Variants in NIPA2 observed in about 807,000 individuals in gnomAD.
The protein encoded by NIPA2 is NIPA magnesium transporter 2, also known as magnesium transporter NIPA2.
A neutral mutation model predicts 29.7 loss-of-function variants in NIPA2; 11 were observed. That is an observed-to-expected ratio of 0.37 (90% confidence interval 0.23 to 0.61). The LOEUF (loss-of-function observed/expected upper bound fraction) is 0.61, where lower values mean the gene tolerates loss of function less well. Among genes scored for constraint, NIPA2 ranks in the 20% least tolerant of loss-of-function variants. NIPA2 has a pLI of 0.66. For synonymous variants in NIPA2, 183 were observed against 161.9 expected, an observed-to-expected ratio of 1.13 and a Z score of -0.99; for missense variants, 426 against 437.9, an observed-to-expected ratio of 0.97 and a Z score of 0.24.
chr15:22,858,970 AAG>A (rs2058412752), intron 6 of NIPA2, among the ~76,000 whole-genome samples: 2 of 152,124 alleles, frequency 1.3e-5, no homozygotes, highest in Admixed American at 1.3e-4. Flanking sequence ...CTGAGGTCAG[AAG>A]TTTGAGACCA....
intron 7 of NIPA2, among the ~76,000 whole-genome samples, chr15:22,864,990 T>C (rs2058887408): frequency 1.3e-5 from 2 of 151,962 alleles, no homozygotes; most frequent in Admixed American, 1.3e-4. Flanking sequence ...GCCTCCCAAG[T>C]AGCTGGCATT....
At position 22,866,789 on chromosome 15, in the gene NIPA2, T is replaced by A; in HGVS notation, c.1025T>A (p.Ile342Asn). 1 of 1,612,804 alleles carries A rather than the reference T, an allele frequency of 6.2e-7. No individual in the cohort carries two copies. The highest frequency in any genetic ancestry group is 8.5e-7 in the Non-Finnish European group (1 of 1,179,242). Residue 342 changes from isoleucine (I) to asparagine (N), a missense_variant, in exon 8 of 8, where the codon ATC (isoleucine) becomes AAC (asparagine). This residue lies in a region of NIPA2 where 357 missense variants were observed against 339.8 expected (regional missense o/e 1.05). Coordinates refer to ENST00000337451, the MANE Select transcript of NIPA2 (RefSeq NM_030922.7). ...NNNEESLTCG[I>N]EQHTGENVSR... Reference sequence around the variant, plus strand: ...AATGAAGAAAGCTTAACCTGTGGAATCGAACAACACACTGGTGAAAATGTC... The same window carrying A: ...AATGAAGAAAGCTTAACCTGTGGAAACGAACAACACACTGGTGAAAATGTC...
chr15:22,852,239 G>A (rs538552808), intron 4 of NIPA2, among the ~76,000 whole-genome samples: 12 of 152,296 alleles, frequency 7.9e-5, no homozygotes, highest in African/African-American at 2.9e-4. Context: ...GGCTGAGGCG[G>A]GTGGATCACC....
chr15:22,858,451 A>G (rs756939009), intron 5 of NIPA2, 89 bp from the exon 6 acceptor site: 3 of 663,538 alleles, frequency 4.5e-6, no homozygotes, highest in Non-Finnish European at 5.2e-6. Flanking sequence ...CAGTTGAAAT[A>G]ATATATAGAT....
In NIPA2 at chr15:22,867,622, T is replaced by TGA. The variant is rs2059200947; in HGVS notation, c.*777_*778dup. ...TGTACTTTTCAGTATATTTTCATAA[T>TGA]GAGTTATATTGTCATTTAGACTTTG... On this transcript the variant is annotated 3_prime_UTR_variant, in exon 8 of 8. Transcript: ENST00000337451. The TGA allele has an allele frequency of 6.3e-6, 1 of 158,880 alleles. No individual in the cohort carries two copies. The highest frequency in any genetic ancestry group is 2.4e-5 in the African/African-American group (1 of 41,722). 9.8% of individuals were successfully genotyped at this position (158,880 alleles called of 1,614,324 possible).
intron 5 of NIPA2, among the ~76,000 whole-genome samples, chr15:22,858,169 A>G (rs1226396139): frequency 2.0e-5 from 3 of 152,096 alleles, no homozygotes; most frequent in African/African-American, 7.2e-5. Context: ...CGAGGCGGGC[A>G]GATCACGAGG....
intron 6 of NIPA2, among the ~76,000 whole-genome samples, chr15:22,858,964 G>A: frequency 6.6e-6 from 1 of 152,206 alleles, no homozygotes; most frequent in Middle Eastern, 3.4e-3. Context: ...GATCACCTGA[G>A]GTCAGAAGTT....
intron 5 of NIPA2, among the ~76,000 whole-genome samples, chr15:22,857,962 A>T (rs1471349646): frequency 6.6e-6 from 1 of 152,096 alleles, no homozygotes; most frequent in African/African-American, 2.4e-5. Context: ...TCTATTTAAA[A>T]TTTTTATTAA....
chr15:22,841,989 G>T (rs1048528356), intron 2 of NIPA2, among the ~76,000 whole-genome samples: 5 of 152,096 alleles, frequency 3.3e-5, no homozygotes, highest in African/African-American at 1.2e-4. Flanking sequence ...GCTCAGCAAG[G>T]CCTCCTAACT....
intron 7 of NIPA2, among the ~76,000 whole-genome samples, chr15:22,864,762 C>T (rs2058865036): frequency 6.6e-6 from 1 of 152,198 alleles, no homozygotes; most frequent in South Asian, 2.1e-4. Context: ...ATTGCTTTTT[C>T]ATCTTTTATC....
intron 4 of NIPA2, among the ~76,000 whole-genome samples, chr15:22,852,481 A>T (rs1247458904): frequency 2.0e-5 from 3 of 151,638 alleles, no homozygotes; most frequent in African/African-American, 7.3e-5. Flanking sequence ...AAAAAAAAAA[A>T]GCCATGGTTA....
chr15:22,859,273 T>A (rs2058438505), intron 6 of NIPA2, among the ~76,000 whole-genome samples: 2 of 151,222 alleles, frequency 1.3e-5, no homozygotes, highest in South Asian at 4.2e-4. Context: ...TGGTTGGTAA[T>A]GAGTAGATTT....
At chr15:22,840,498 CTTG>C (rs1269396020) in intron 2 of NIPA2, among the ~76,000 whole-genome samples, 1 of 151,794 alleles carries the variant, frequency 6.6e-6, no homozygotes, top group Non-Finnish European at 1.5e-5. Context: ...GGGGTTTCAC[CTTG>C]TTGGCCAGGC....
chr15:22,859,290 CTTTT>C (rs60644942), intron 6 of NIPA2, among the ~76,000 whole-genome samples: 7 of 97,350 alleles, frequency 7.2e-5, no homozygotes, highest in East Asian at 3.0e-4. Flanking sequence ...ATTTCTTTTT[CTTTT>C]TTTTTTTTTT....
chr15:22,840,543 G>T (rs372353016), intron 2 of NIPA2, among the ~76,000 whole-genome samples: 16 of 151,118 alleles, frequency 1.1e-4, no homozygotes, highest in African/African-American at 3.9e-4. Context: ...CAGGTGATCC[G>T]CCCGCCTCGA....
At chr15:22,852,392 G>A (rs910025872) in intron 4 of NIPA2, among the ~76,000 whole-genome samples, 3 of 150,096 alleles carry the variant, frequency 2.0e-5, no homozygotes, top group African/African-American at 7.4e-5. Flanking sequence ...CTTGAACCCG[G>A]GAGGCAGAAA....
intron 3 of NIPA2, among the ~76,000 whole-genome samples, chr15:22,845,834 CT>C (rs1471390841): frequency 6.6e-6 from 1 of 151,994 alleles, no homozygotes; most frequent in Non-Finnish European, 1.5e-5. Flanking sequence ...CTTCTCTCTG[CT>C]TTTTGTGTTT....
chr15:22,841,277 A>G (rs572056554), intron 2 of NIPA2, among the ~76,000 whole-genome samples: 10 of 152,334 alleles, frequency 6.6e-5, no homozygotes, highest in Admixed American at 3.9e-4. Context: ...GCAAAGATTT[A>G]TCTGTGTTGT....
intron 7 of NIPA2, among the ~76,000 whole-genome samples, chr15:22,863,381 G>T (rs760996733): frequency 6.6e-6 from 1 of 152,014 alleles, no homozygotes; most frequent in African/African-American, 2.4e-5. Flanking sequence ...ACCACACCTG[G>T]CTCAGTTTGC....
Sources: gnomAD v4.1 joint callset for allele counts (sites outside exome capture counted in the v4.1 genomes callset) on GRCh38, gnomAD v4.1.1 for gene constraint, gnomAD v4.1.1 regional missense constraint, MANE v1.5 for transcripts, NCBI Gene and HGNC (gene_info 2026-07-23, HGNC 2026-07-21) for gene names.